The following RABGEF1 variants were observed in gnomAD, a reference collection of about 807,000 sequenced individuals.
RABGEF1 encodes the protein rab5 GDP/GTP exchange factor.
A neutral mutation model predicts 57.3 loss-of-function variants in RABGEF1; 26 were observed. The observed-to-expected ratio is 0.45, with a 90% CI of 0.33 to 0.63. The LOEUF (loss-of-function observed/expected upper bound fraction) is 0.63. RABGEF1 is among the 20% of genes least tolerant of loss of function. The pLI is 0.02. For synonymous variants in RABGEF1, 185 were observed against 210.7 expected (o/e 0.88, Z 1.06); for missense variants, 464 against 607.6 (o/e 0.76, Z 2.48).
At chr7:66,721,150 C>A (rs771879093) in intron 2 of RABGEF1, among the ~76,000 whole-genome samples, 11 of 152,168 alleles carry the variant, frequency 7.2e-5, no homozygotes, top group Non-Finnish European at 1.6e-4. Context: ...AACTCCCGAG[C>A]TCAAGTGATC....
upstream of RABGEF1, among the ~76,000 whole-genome samples, chr7:66,739,195 C>T (rs1798427191): frequency 6.6e-6 from 1 of 151,800 alleles, no homozygotes; most frequent in South Asian, 2.1e-4. Context: ...GGTGATCTGC[C>T]CGCCTCGGCT....
intron 1 of RABGEF1, among the ~76,000 whole-genome samples, chr7:66,705,443 AAG>A (rs57856916): frequency 0.036 from 2,394 of 66,100 alleles, 68 homozygotes; most frequent in Admixed American, 0.078. Flanking sequence ...TCTCGAAAGA[AAG>A]AGAGAGAGAG....
intron 1 of RABGEF1, among the ~76,000 whole-genome samples, chr7:66,766,753 T>C (rs1428873085): frequency 6.7e-6 from 1 of 149,202 alleles, no homozygotes; most frequent in African/African-American, 2.5e-5. Context: ...GAGACAGGGT[T>C]TCACTCTGTT....
the RABGEF1 span, among the ~76,000 whole-genome samples, chr7:66,660,019 AAAG>A: frequency 2.0e-5 from 3 of 152,026 alleles, no homozygotes; most frequent in Non-Finnish European, 2.9e-5. Context: ...AGAAAAAAAA[AAAG>A]AAGACTCAAA....
At chr7:66,725,285 C>T (rs935230988) in intron 2 of RABGEF1, among the ~76,000 whole-genome samples, 1 of 152,170 alleles carries the variant, frequency 6.6e-6, no homozygotes, top group Non-Finnish European at 1.5e-5. Flanking sequence ...GTACATCCAT[C>T]ATCATAATCA....
intron 1 of RABGEF1, chr7:66,755,978 G>A: frequency 3.7e-6 from 4 of 1,088,458 alleles, no homozygotes; most frequent in South Asian, 1.7e-5. Context: ...CATTTTGGAA[G>A]CATTATATTT....
At chr7:66,654,693 G>C in the RABGEF1 span, 1 of 152,490 alleles carries the variant, frequency 6.6e-6, no homozygotes, top group Non-Finnish European at 1.5e-5. Flanking sequence ...GCGGCCGGGC[G>C]TCTCGGGCCG....
At chr7:66,777,054 C>T (rs769429236) in intron 3 of RABGEF1, among the ~76,000 whole-genome samples, 2 of 152,116 alleles carry the variant, frequency 1.3e-5, no homozygotes, top group African/African-American at 2.4e-5. Flanking sequence ...TAGCACAGTG[C>T]CTGACACACA....
chr7:66,774,275 T>C (rs1037648098), intron 2 of RABGEF1, among the ~76,000 whole-genome samples: 2 of 152,240 alleles, frequency 1.3e-5, no homozygotes, highest in African/African-American at 4.8e-5. Context: ...CTTTATAATA[T>C]ACTCTTACTT....
chr7:66,680,076 G>A (rs932591014), upstream of RABGEF1, among the ~76,000 whole-genome samples: 5 of 152,130 alleles, frequency 3.3e-5, no homozygotes, highest in African/African-American at 1.2e-4. Flanking sequence ...TTCACAGAAT[G>A]GTTTAGAGAA....
At chr7:66,805,080 C>G (rs1002034139) in intron 7 of RABGEF1, 60 bp from the exon 8 acceptor site, 16 of 1,505,882 alleles carry the variant, frequency 1.1e-5, no homozygotes, top group African/African-American at 8.3e-5. Flanking sequence ...CATGATTTTC[C>G]TATTGCTTCT....
the RABGEF1 span, among the ~76,000 whole-genome samples, chr7:66,657,944 AAGATT>A: frequency 1.3e-5 from 2 of 152,216 alleles, no homozygotes; most frequent in African/African-American, 2.4e-5. Context: ...ACCAGAAACA[AAGATT>A]AGAGTGGAAA....
intron 4 of RABGEF1, among the ~76,000 whole-genome samples, chr7:66,784,895 A>G (rs1810803960): frequency 6.6e-6 from 1 of 152,166 alleles, no homozygotes; most frequent in African/African-American, 2.4e-5. Flanking sequence ...GATATCCTTA[A>G]TATGGAACAA....
chr7:66,707,453 G>A (rs962051319), intron 1 of RABGEF1, among the ~76,000 whole-genome samples: 1 of 152,066 alleles, frequency 6.6e-6, no homozygotes, highest in Non-Finnish European at 1.5e-5. Flanking sequence ...AGCACTTTGA[G>A]AGGCCAAGGC....
At chr7:66,763,328 C>A (rs1386719365) in intron 1 of RABGEF1, among the ~76,000 whole-genome samples, 1 of 152,198 alleles carries the variant, frequency 6.6e-6, no homozygotes, top group African/African-American at 2.4e-5. Flanking sequence ...CTCGTGTTGG[C>A]AGAATTCATT....
At chr7:66,796,128 C>T (rs4717320) in intron 5 of RABGEF1, among the ~76,000 whole-genome samples, 5,511 of 152,136 alleles carry the variant, frequency 0.036, 154 homozygotes, top group East Asian at 0.076. Flanking sequence ...CAGATCGAGA[C>T]TCTGTCTTCA....
Position 66,805,274 on chromosome 7 carries a change from C to G in RABGEF1, c.955C>G (p.Leu319Val), listed in dbSNP as rs1163197257. 1 of 1,614,204 alleles carries G rather than the reference C, an allele frequency of 6.2e-7. No individual in the cohort carries two copies. Among genetic ancestry groups the G allele is most frequent in the Non-Finnish European group, 8.5e-7 (1 of 1,180,046 alleles). Residue 319 changes from leucine to valine, a missense_variant, in exon 8 of 9, where the codon CTC becomes GTC. Physicochemically the swap from Leu to Val is conservative, Grantham distance 32. Around this residue, in one of 4 missense-constraint regions of RABGEF1, gnomAD observed 284 missense variants for 389.9 expected, o/e 0.73. Transcript: ENST00000284957. ...PASADDFLPT[L>V]IYIVLKGNPP... ...GTCAGCGGATGACTTCCTCCCCACC[C>G]TCATCTACATTGTTTTGAAGGGCAA...
chr7:66,735,752 G>A (rs1464346413), upstream of RABGEF1, among the ~76,000 whole-genome samples: 3 of 152,248 alleles, frequency 2.0e-5, no homozygotes, highest in Admixed American at 6.5e-5. Flanking sequence ...CTTCTGCCAT[G>A]ATTGTAAGTT....
chr7:66,764,550 T>C lies in RABGEF1; in HGVS notation c.-17-7333T>C, dbSNP rs1296651697. ...GTCAAATCCAATATCATGAAAATTTTACCTCTACATTTTCTTCTGAGAGCT... is the reference window on the plus strand; with the variant it reads ...GTCAAATCCAATATCATGAAAATTTCACCTCTACATTTTCTTCTGAGAGCT... On this transcript the variant is annotated intron_variant, in intron 1 of 8. Coordinates refer to ENST00000284957, the MANE Select transcript of RABGEF1 (RefSeq NM_014504.3). 1.3e-5 allele frequency among the ~76,000 whole-genome samples: 2 copies of C among 152,264 alleles called. 1 individual carries two copies. The highest frequency in any genetic ancestry group is 1.3e-4 in the Admixed American group (2 of 15,282).
Sources: allele counts gnomAD v4.1 joint callset (sites outside exome capture counted in the v4.1 genomes callset), GRCh38; gene constraint gnomAD v4.1.1; regional missense constraint gnomAD v4.1.1; transcripts MANE v1.5; gene names NCBI Gene and HGNC (gene_info 2026-07-23, HGNC 2026-07-21).